The following DST variants were observed in gnomAD, a reference collection of about 807,000 sequenced individuals.
The protein encoded by DST is dystonin, also known as bullous pemphigoid antigen.
Under a neutral mutation model 875.2 loss-of-function variants are expected in DST, and 253 were observed. The observed-to-expected ratio is 0.29, with a 90% CI of 0.26 to 0.32. DST has a LOEUF of 0.32. DST is among the 10% of genes least tolerant of loss of function. The probability of loss-of-function intolerance (pLI) is 1.00; values close to 1 mark genes in which losing one functional copy is unlikely to be tolerated. For missense variants in DST, 8,287 were observed against 9,111.6 expected (o/e 0.91, Z 3.68); for synonymous variants, 3,124 against 3,197.1 (o/e 0.98, Z 0.77).
At chr6:56,802,197 T>A (rs886884569) in intron 4 of DST, among the ~76,000 whole-genome samples, 2 of 152,174 alleles carry the variant, frequency 1.3e-5, no homozygotes, top group Admixed American at 1.3e-4. Context: ...AATGATGACA[T>A]GGAATTAACA....
At chr6:56,885,418 C>T (rs1417950967) in intron 3 of DST, among the ~76,000 whole-genome samples, 7 of 151,990 alleles carry the variant, frequency 4.6e-5, no homozygotes. Flanking sequence ...AGCAGTTGAA[C>T]CATTTTACAT....
Position 56,648,558 on chromosome 6 carries a change from A to G in DST, c.1554+12T>C, listed in dbSNP as rs1313074539. 4 of 1,560,126 alleles carry G rather than the reference A, an allele frequency of 2.6e-6. No homozygotes were observed. In the South Asian group the frequency reaches 4.7e-5, roughly 18 times the overall value. ...TGAATCAATCCTATGTAATTTCTAC[A>G]GTGACACTAACCTTCAGTTCTACAG... is the stretch of plus-strand genomic sequence containing the variant. On this transcript the variant is annotated intron_variant, in intron 13 of 103. Transcript: ENST00000680361.
chr6:56,591,080 T>C (rs953202092), intron 49 of DST, among the ~76,000 whole-genome samples: 1 of 152,252 alleles, frequency 6.6e-6, no homozygotes, highest in African/African-American at 2.4e-5. Flanking sequence ...CCTACTATTA[T>C]TAACCTGTGA....
intron 9 of DST, chr6:56,692,945 T>C (rs778150050): frequency 2.3e-6 from 3 of 1,289,690 alleles, no homozygotes; most frequent in South Asian, 2.5e-5. Context: ...GGCTGTTCTT[T>C]TGAAGGCTGA....
chr6:56,615,738 C>T (rs1194763711), intron 36 of DST: 2 of 1,614,178 alleles, frequency 1.2e-6, no homozygotes, highest in Non-Finnish European at 1.7e-6. Flanking sequence ...AGAGCCTCTT[C>T]TATTGATAAC....
chr6:56,569,300 G>C (rs1443536975), intron 54 of DST, among the ~76,000 whole-genome samples: 1 of 146,814 alleles, frequency 6.8e-6, no homozygotes, highest in African/African-American at 2.5e-5. Flanking sequence ...ACTCCAGCCT[G>C]GGCAAAAGAG....
chr6:56,628,236 G>A (rs2098750105), intron 32 of DST, 75 bp from the exon 33 acceptor site: 6 of 1,334,520 alleles, frequency 4.5e-6, no homozygotes, highest in African/African-American at 1.4e-5. Context: ...AGAGATGGGA[G>A]AGACAAAATA....
chr6:56,593,804 T>C lies in DST; in HGVS notation c.12585A>G (p.Thr4195=). Residue 4195 remains threonine (T), a synonymous_variant, in exon 48 of 104, where the codon ACA becomes ACG. Transcript: ENST00000680361. ...ISHKGDLRYI[T]ISGNRVLEAA... ...CTTCCAACACTCTGTTTCCAGAAAT[T>C]GTGATGTATCTCAAGTCACCTTTGT... 1 of 1,613,938 alleles carries C rather than the reference T, an allele frequency of 6.2e-7. No individual in the cohort carries two copies. The highest frequency in any genetic ancestry group is 1.1e-5 in the South Asian group (1 of 91,088).
At position 56,560,299 on chromosome 6, in the gene DST, T is replaced by C. The variant is rs757970358; in HGVS notation, c.14435A>G (p.Glu4812Gly). The C allele has an allele frequency of 5.6e-6, 9 of 1,606,104 alleles. No individual in the cohort carries two copies. The highest frequency in any genetic ancestry group is 7.7e-6 in the Non-Finnish European group (9 of 1,176,274). ...ATCTAAGTAACGCAACATACCTATT[T>C]CTGTCAACATCTGTTTCCATCTGGG... is the stretch of plus-strand genomic sequence containing the variant. ...EAPRWKQMLT[E>G]IDSKWQELNQ... The change falls in exon 58 of 104, where the codon GAA becomes GGA. Residue 4812 changes from glutamate (E) to glycine (G), a missense_variant. Glu to Gly is a moderately conservative substitution (Grantham distance 98). Around this residue, in one of 10 missense-constraint regions of DST, gnomAD observed 1,513 missense variants for 1,677.8 expected, o/e 0.90. Coordinates refer to ENST00000680361, the MANE Select transcript of DST (RefSeq NM_001374736.1).
chr6:56,660,971 T>A (rs1161621380), intron 10 of DST, among the ~76,000 whole-genome samples: 7 of 134,766 alleles, frequency 5.2e-5, no homozygotes, highest in Admixed American at 4.9e-4. Context: ...TAATGAATTA[T>A]GACTTTCTCA....
chr6:56,913,040 T>C (rs1383840694), intron 2 of DST, among the ~76,000 whole-genome samples: 1 of 152,202 alleles, frequency 6.6e-6, no homozygotes, highest in Non-Finnish European at 1.5e-5. Context: ...TGACTACAAC[T>C]ATTGGGGCCT....
intron 2 of DST, among the ~76,000 whole-genome samples, chr6:56,931,167 G>A (rs1288883280): frequency 1.3e-5 from 2 of 152,178 alleles, no homozygotes; most frequent in Admixed American, 6.5e-5. Flanking sequence ...AAGGCAAAGG[G>A]TATTTTGGAA....
chr6:56,498,398 T>G (rs374902222), intron 80 of DST, among the ~76,000 whole-genome samples: 2 of 152,102 alleles, frequency 1.3e-5, no homozygotes, highest in East Asian at 1.9e-4. Context: ...TGGCTAATAT[T>G]AAGTTTTTAA....
intron 4 of DST, among the ~76,000 whole-genome samples, chr6:56,776,769 T>C (rs1264601618): frequency 1.3e-5 from 2 of 152,164 alleles, no homozygotes; most frequent in Non-Finnish European, 2.9e-5. Flanking sequence ...ACCTAAATTA[T>C]TTATTTTTAT....
At chr6:56,811,622 A>C (rs954795708) in intron 4 of DST, among the ~76,000 whole-genome samples, 2 of 152,240 alleles carry the variant, frequency 1.3e-5, no homozygotes, top group African/African-American at 2.4e-5. Flanking sequence ...GCTGATGATG[A>C]AACTGTGTCA....
intron 4 of DST, among the ~76,000 whole-genome samples, chr6:56,772,832 T>A (rs1194225275): frequency 6.6e-6 from 1 of 152,132 alleles, no homozygotes; most frequent in Non-Finnish European, 1.5e-5. Flanking sequence ...TTACACAGTC[T>A]CCTCTCACAG....
intron 9 of DST, among the ~76,000 whole-genome samples, chr6:56,692,221 AATC>A (rs1438286808): frequency 6.6e-6 from 1 of 152,256 alleles, no homozygotes; most frequent in Non-Finnish European, 1.5e-5. Context: ...ACAAAAATAA[AATC>A]ATAACAATCA....
At chr6:56,772,324 C>T (rs1348270363) in intron 4 of DST, among the ~76,000 whole-genome samples, 1 of 152,120 alleles carries the variant, frequency 6.6e-6, no homozygotes, top group Non-Finnish European at 1.5e-5. Context: ...TACTTATTAG[C>T]TGAATCATAG....
intron 78 of DST, 55 bp from the exon 79 acceptor site, chr6:56,501,748 CAAAG>C (rs1432530517): frequency 8.5e-6 from 11 of 1,289,418 alleles, no homozygotes; most frequent in East Asian, 2.6e-5. Flanking sequence ...TAACTCCAAA[CAAAG>C]AAATCTATTG....
Sources: allele counts gnomAD v4.1 joint callset (sites outside exome capture counted in the v4.1 genomes callset), GRCh38; gene constraint gnomAD v4.1.1; regional missense constraint gnomAD v4.1.1; transcripts MANE v1.5; gene names NCBI Gene and HGNC (gene_info 2026-07-23, HGNC 2026-07-21).